Variants in FNDC3B observed in about 807,000 individuals in gnomAD.
FNDC3B encodes the protein fibronectin type III domain-containing protein 3B.
Under a neutral mutation model 151.5 loss-of-function variants are expected in FNDC3B, and 12 were observed. That is an observed-to-expected ratio of 0.08 (90% confidence interval 0.05 to 0.13). The LOEUF (loss-of-function observed/expected upper bound fraction) is 0.13, where lower values mean the gene tolerates loss of function less well. Among genes scored for constraint, FNDC3B ranks in the 10% least tolerant of loss-of-function variants. The pLI is 1.00. For missense variants in FNDC3B, 1,214 were observed against 1,505.3 expected, an observed-to-expected ratio of 0.81 and a Z score of 3.20; for synonymous variants, 528 against 549.0, an observed-to-expected ratio of 0.96 and a Z score of 0.54.
chr3:172,311,363 G>A (rs772775517), intron 11 of FNDC3B, among the ~76,000 whole-genome samples: 10 of 152,142 alleles, frequency 6.6e-5, no homozygotes, highest in African/African-American at 9.7e-5. Context: ...ACCCATGTGC[G>A]AGTGCCCTGT....
intron 1 of FNDC3B, among the ~76,000 whole-genome samples, chr3:172,043,556 A>G (rs754195491): frequency 6.6e-6 from 1 of 152,066 alleles, no homozygotes; most frequent in African/African-American, 2.4e-5. Flanking sequence ...AGGTCTCACT[A>G]GGTTGTCCAG....
intron 1 of FNDC3B, among the ~76,000 whole-genome samples, chr3:172,041,906 C>CA (rs1716098987): frequency 6.6e-6 from 1 of 152,068 alleles, no homozygotes; most frequent in Non-Finnish European, 1.5e-5. Context: ...TCTGGCCCTG[C>CA]AAAAGGACCT....
chr3:172,068,398 AG>A (rs1717608794), intron 1 of FNDC3B, among the ~76,000 whole-genome samples: 1 of 149,610 alleles, frequency 6.7e-6, no homozygotes, highest in African/African-American at 2.5e-5. Flanking sequence ...CTGCTGAGCA[AG>A]TATTTGGACA....
At chr3:172,217,463 C>T (rs1177489356) in intron 3 of FNDC3B, among the ~76,000 whole-genome samples, 1 of 152,232 alleles carries the variant, frequency 6.6e-6, no homozygotes, top group Non-Finnish European at 1.5e-5. Flanking sequence ...CTCCAGAGTT[C>T]CTTGCCTCTA....
At chr3:172,311,885 A>G (rs1731521005) in intron 11 of FNDC3B, among the ~76,000 whole-genome samples, 1 of 129,308 alleles carries the variant, frequency 7.7e-6, no homozygotes, top group Admixed American at 7.2e-5. Flanking sequence ...CTCAAAAAGA[A>G]AAAAAAAAAA....
At chr3:172,144,327 C>G (rs1013648913) in intron 3 of FNDC3B, among the ~76,000 whole-genome samples, 1 of 152,168 alleles carries the variant, frequency 6.6e-6, no homozygotes, top group African/African-American at 2.4e-5. Flanking sequence ...CCACCTCCAA[C>G]GTTGGGAGTC....
chr3:172,357,769 A>C (rs1355165225), intron 22 of FNDC3B, among the ~76,000 whole-genome samples: 1 of 152,068 alleles, frequency 6.6e-6, no homozygotes, highest in Non-Finnish European at 1.5e-5. Flanking sequence ...TTACATCATC[A>C]TTAGAAATAA....
chr3:172,276,627 C>G (rs1286491530), intron 6 of FNDC3B, among the ~76,000 whole-genome samples: 2 of 152,188 alleles, frequency 1.3e-5, no homozygotes, highest in Admixed American at 1.3e-4. Flanking sequence ...ATACCTTGAG[C>G]AAGTGACCAA....
At chr3:172,181,469 C>T (rs371247110) in intron 3 of FNDC3B, among the ~76,000 whole-genome samples, 9 of 151,202 alleles carry the variant, frequency 6.0e-5, no homozygotes, top group Middle Eastern at 6.8e-3. Flanking sequence ...AATGTTGGCC[C>T]GTCTTCTTCA....
At chr3:172,236,852 G>A (rs1301996960) in intron 4 of FNDC3B, among the ~76,000 whole-genome samples, 1 of 152,188 alleles carries the variant, frequency 6.6e-6, no homozygotes, top group Non-Finnish European at 1.5e-5. Context: ...AGTTGGATCA[G>A]AGAGGTACCA....
chr3:172,235,569 G>A (rs1727111720), intron 4 of FNDC3B, among the ~76,000 whole-genome samples: 1 of 152,122 alleles, frequency 6.6e-6, no homozygotes, highest in Non-Finnish European at 1.5e-5. Context: ...AATCTGAGTG[G>A]GATAGTACAG....
At chr3:172,362,156 C>T (rs966279235) in intron 22 of FNDC3B, among the ~76,000 whole-genome samples, 3 of 152,150 alleles carry the variant, frequency 2.0e-5, no homozygotes, top group African/African-American at 7.2e-5. Context: ...TAAGGACTTG[C>T]AGAGATTGTT....
At chr3:172,064,865 T>C (rs1377053988) in intron 1 of FNDC3B, among the ~76,000 whole-genome samples, 1 of 152,192 alleles carries the variant, frequency 6.6e-6, no homozygotes, top group Non-Finnish European at 1.5e-5. Flanking sequence ...ATTTGGTGTG[T>C]TGGATGAATG....
At chr3:172,239,194 G>C (rs1276322399) in intron 4 of FNDC3B, among the ~76,000 whole-genome samples, 2 of 152,112 alleles carry the variant, frequency 1.3e-5, no homozygotes, top group Non-Finnish European at 2.9e-5. Flanking sequence ...CAAGCTACAG[G>C]ATAGAGGTGC....
At chr3:172,124,411 G>A (rs1392702290) in intron 2 of FNDC3B, among the ~76,000 whole-genome samples, 2 of 152,210 alleles carry the variant, frequency 1.3e-5, no homozygotes, top group African/African-American at 2.4e-5. Context: ...ACTTTAAAGA[G>A]CCTCCATTAA....
rs116728804 is a variant in FNDC3B, at chr3:172,304,327, C to T, written c.1062-3036C>T. Among the ~76,000 whole-genome samples the T allele has an allele frequency of 5.1e-3, 781 of 152,298 alleles. 5 individuals carry two copies. Among genetic ancestry groups the T allele is most frequent in the Middle Eastern group, 6.8e-3 (2 of 294 alleles). ...CTCTATTATCCAGATGGATTTTTGG[C>T]GGTGGCTGTTTTTGGGAACATATAG... is the stretch of plus-strand genomic sequence containing the variant. On this transcript the variant is annotated intron_variant, in intron 9 of 25. Transcript: ENST00000415807.
At chr3:172,373,519 G>C (rs1734982045) in intron 23 of FNDC3B, among the ~76,000 whole-genome samples, 1 of 152,190 alleles carries the variant, frequency 6.6e-6, no homozygotes, top group African/African-American at 2.4e-5. Flanking sequence ...TTTAAAATGT[G>C]TAGTCTTCAA....
intron 3 of FNDC3B, among the ~76,000 whole-genome samples, chr3:172,138,808 G>A (rs1172909099): frequency 6.6e-6 from 1 of 152,222 alleles, no homozygotes; most frequent in Non-Finnish European, 1.5e-5. Context: ...ACCTCAAAAT[G>A]ACTAAATGAC....
intron 1 of FNDC3B, among the ~76,000 whole-genome samples, chr3:172,079,455 T>C (rs1718176641): frequency 6.6e-6 from 1 of 152,124 alleles, no homozygotes; most frequent in Non-Finnish European, 1.5e-5. Context: ...GGCAAGTGAA[T>C]TGGACAGATA....
Sources: gnomAD v4.1 joint callset for allele counts (sites outside exome capture counted in the v4.1 genomes callset) on GRCh38, gnomAD v4.1.1 for gene constraint, MANE v1.5 for transcripts, NCBI Gene and HGNC (gene_info 2026-07-23, HGNC 2026-07-21) for gene names.